Variants in AFAP1L2 observed in about 807,000 individuals in gnomAD.
The protein encoded by AFAP1L2 is actin filament associated protein 1 like 2.
AFAP1L2 carries 46 observed loss-of-function variants against 99.3 expected under a neutral mutation model. That is an observed-to-expected ratio of 0.46 (90% confidence interval 0.37 to 0.59). The LOEUF is 0.59. Ranked by LOEUF, AFAP1L2 falls within the 20% of genes least tolerant of loss-of-function variation. The pLI, the probability that AFAP1L2 is intolerant of heterozygous loss-of-function variation, is 0.00. For missense variants in AFAP1L2, 959 were observed against 1,034.9 expected (o/e 0.93, Z 1.01); for synonymous variants, 397 against 419.1 (o/e 0.95, Z 0.64).
chr10:114,400,311 C>A (rs1483349828), intron 1 of AFAP1L2, among the ~76,000 whole-genome samples: 9 of 152,162 alleles, frequency 5.9e-5, no homozygotes, highest in Non-Finnish European at 5.9e-5. Context: ...GGGCCCAAAG[C>A]AGAATTCCCC....
At chr10:114,320,190 C>T (rs923644627) in intron 5 of AFAP1L2, among the ~76,000 whole-genome samples, 1 of 152,196 alleles carries the variant, frequency 6.6e-6, no homozygotes, top group Non-Finnish European at 1.5e-5. Flanking sequence ...AACCTGGTAT[C>T]TCTGGCAAGC....
At chr10:114,305,716 G>A (rs1298610803) in intron 10 of AFAP1L2, among the ~76,000 whole-genome samples, 2 of 140,432 alleles carry the variant, frequency 1.4e-5, no homozygotes, top group African/African-American at 5.4e-5. Context: ...TGGAGGGGAC[G>A]GGGCTACAGG....
chr10:114,391,375 A>G (rs570791140), intron 1 of AFAP1L2, among the ~76,000 whole-genome samples: 5 of 152,124 alleles, frequency 3.3e-5, no homozygotes, highest in African/African-American at 1.2e-4. Context: ...GTCTGCCACT[A>G]TATCTGGCTA....
At chr10:114,313,747 C>T (rs1361711130) in intron 7 of AFAP1L2, 124 bp downstream of exon 7, 7 of 1,002,332 alleles carry the variant, frequency 7.0e-6, no homozygotes, top group South Asian at 1.9e-5. Flanking sequence ...ACTTAGAACA[C>T]AGGAAGCCCT....
chr10:114,284,346 A>C, the AFAP1L2 span, among the ~76,000 whole-genome samples: 20 of 152,206 alleles, frequency 1.3e-4, no homozygotes, highest in Non-Finnish European at 2.2e-4. Context: ...TTCAGTTCCC[A>C]TCACTCCTTT....
chr10:114,398,375 A>G (rs757721929), intron 1 of AFAP1L2, among the ~76,000 whole-genome samples: 1 of 152,252 alleles, frequency 6.6e-6, no homozygotes, highest in African/African-American at 2.4e-5. Flanking sequence ...TAGGATGCCT[A>G]GAGGCTGAGA....
intron 1 of AFAP1L2, among the ~76,000 whole-genome samples, chr10:114,356,390 C>T (rs1342195198): frequency 6.6e-6 from 1 of 152,052 alleles, no homozygotes. Flanking sequence ...TTCGGTTTCC[C>T]CCGCCAAACA....
At chr10:114,322,641 G>A (rs981407673) in intron 5 of AFAP1L2, among the ~76,000 whole-genome samples, 20 of 152,152 alleles carry the variant, frequency 1.3e-4, no homozygotes, top group East Asian at 9.6e-4. Flanking sequence ...TATCACCACC[G>A]ACACATGCTG....
intron 1 of AFAP1L2, among the ~76,000 whole-genome samples, chr10:114,347,440 C>G (rs2049772786): frequency 6.6e-6 from 1 of 152,186 alleles, no homozygotes; most frequent in African/African-American, 2.4e-5. Context: ...CTGGCCTGTT[C>G]ATAGAAAGTG....
At chr10:114,282,924 T>C in the AFAP1L2 span, among the ~76,000 whole-genome samples, 1 of 152,228 alleles carries the variant, frequency 6.6e-6, no homozygotes, top group Non-Finnish European at 1.5e-5. Flanking sequence ...CATAGTGGTT[T>C]GTCCGATGTC....
intron 8 of AFAP1L2, among the ~76,000 whole-genome samples, chr10:114,309,716 TA>T: frequency 6.6e-6 from 1 of 152,284 alleles, no homozygotes; most frequent in South Asian, 2.1e-4. Flanking sequence ...TACTGAGGAA[TA>T]AGGGGAAAGG....
intron 7 of AFAP1L2, 126 bp downstream of exon 7, chr10:114,313,745 C>T: frequency 1.0e-6 from 1 of 984,984 alleles, no homozygotes. Context: ...CCACTTAGAA[C>T]ACAGGAAGCC....
chr10:114,331,831 C>T lies in AFAP1L2; in HGVS notation c.287G>A (p.Ser96Asn). 3.6e-6 allele frequency: 5 copies of T among 1,394,944 alleles called. No individual in the cohort carries two copies. Among genetic ancestry groups the T allele is most frequent in the Non-Finnish European group, 4.7e-6 (5 of 1,065,932 alleles). The allele number at this position is 1,394,944 out of a possible 1,614,324, so 86.4% of individuals were successfully genotyped here. A position where few individuals can be genotyped will look rare whatever the true frequency, so the allele number is the denominator to read the frequency against. Reference sequence around the variant, plus strand: ...CTTGGGTGGCGGGAGGTCTGGAAGGCTCTTCTGAGGGGCCGAGGAGTGCTG... The same window carrying T: ...CTTGGGTGGCGGGAGGTCTGGAAGGTTCTTCTGAGGGGCCGAGGAGTGCTG... Reference protein sequence around the residue: ...PSQHSSAPQKSLPDLPPPKMI... With the variant: ...PSQHSSAPQKNLPDLPPPKMI... The change falls in exon 4 of 19, where the codon AGC (serine) becomes AAC (asparagine). Residue 96 changes from serine to asparagine, a missense_variant. Ser to Asn is a conservative substitution (Grantham distance 46). Coordinates refer to ENST00000304129, the MANE Select transcript of AFAP1L2 (RefSeq NM_001001936.3).
Position 114,404,478 on chromosome 10 carries a change from C to A in AFAP1L2, c.-23G>T, listed in dbSNP as rs1410794559. The stretch of plus-strand genomic sequence containing the variant: ...CATCGGGGCCACGGAGTGCGCTCCT[C>A]GCGGCTCGGCTTCTGCGCTGCTCTC... On this transcript the variant is annotated 5_prime_UTR_variant, in exon 1 of 19. Transcript: ENST00000304129. 9 of 1,535,540 alleles carry A rather than the reference C, an allele frequency of 5.9e-6. No homozygotes were observed. The highest frequency in any genetic ancestry group is 7.9e-6 in the Non-Finnish European group (9 of 1,144,242).
chr10:114,368,172 C>T (rs1028228488), intron 1 of AFAP1L2, among the ~76,000 whole-genome samples: 2 of 152,088 alleles, frequency 1.3e-5, no homozygotes, highest in Non-Finnish European at 2.9e-5. Flanking sequence ...ATGGATGGAC[C>T]TGGAGGACAT....
At chr10:114,355,209 G>T (rs1054174234) in intron 1 of AFAP1L2, among the ~76,000 whole-genome samples, 5 of 151,816 alleles carry the variant, frequency 3.3e-5, no homozygotes, top group Non-Finnish European at 5.9e-5. Flanking sequence ...GGATGCGGGT[G>T]GGGGGAGGTT....
intron 1 of AFAP1L2, among the ~76,000 whole-genome samples, chr10:114,350,851 A>G (rs2050363574): frequency 6.6e-6 from 1 of 152,136 alleles, no homozygotes; most frequent in South Asian, 2.1e-4. Context: ...GTGAGGGCAG[A>G]CTCAAGACAC....
chr10:114,291,323 C>G (rs748158375), downstream of AFAP1L2: 10 of 1,428,908 alleles, frequency 7.0e-6, no homozygotes, highest in Admixed American at 4.8e-5. Flanking sequence ...TGGTGCCTAC[C>G]TTCTGGAATG....
At chr10:114,371,759 T>C (rs906613312) in intron 1 of AFAP1L2, among the ~76,000 whole-genome samples, 3 of 150,194 alleles carry the variant, frequency 2.0e-5, no homozygotes, top group African/African-American at 7.4e-5. Flanking sequence ...TGTATACCTA[T>C]GTAACAAACC....
Sources: allele counts gnomAD v4.1 joint callset (sites outside exome capture counted in the v4.1 genomes callset), GRCh38; gene constraint gnomAD v4.1.1; transcripts MANE v1.5; gene names NCBI Gene and HGNC (gene_info 2026-07-23, HGNC 2026-07-21).